PARPBP: variants seen among roughly 807,000 people sequenced by gnomAD.
PARPBP encodes the protein PCNA-interacting partner.
Under a neutral mutation model 50.0 loss-of-function variants are expected in PARPBP, and 52 were observed. The ratio of observed to expected loss-of-function variants is 1.04; its 90% confidence interval spans 0.83 to 1.31. The LOEUF is 1.31. Among genes scored for constraint, PARPBP ranks in the 50% most tolerant of loss-of-function variants. The probability of loss-of-function intolerance (pLI) is 0.00; values close to 1 mark genes in which losing one functional copy is unlikely to be tolerated. For synonymous variants in PARPBP, 244 were observed against 232.1 expected, an observed-to-expected ratio of 1.05 and a Z score of -0.47; for missense variants, 697 against 672.0, an observed-to-expected ratio of 1.04 and a Z score of -0.41.
At chr12:102,177,799 T>C (rs1889424377) in intron 7 of PARPBP, among the ~76,000 whole-genome samples, 1 of 152,216 alleles carries the variant, frequency 6.6e-6, no homozygotes, top group Non-Finnish European at 1.5e-5. Flanking sequence ...CTTGGCATGA[T>C]ATACAAAGTT....
At chr12:102,135,368 C>A (rs926505360) in intron 2 of PARPBP, among the ~76,000 whole-genome samples, 1 of 151,878 alleles carries the variant, frequency 6.6e-6, no homozygotes, top group Admixed American at 6.6e-5. Context: ...CACGGTGAAA[C>A]CCCATCTTTA....
chr12:102,124,428 G>A (rs927114308), intron 2 of PARPBP, among the ~76,000 whole-genome samples: 3 of 152,020 alleles, frequency 2.0e-5, no homozygotes, highest in African/African-American at 2.4e-5. Flanking sequence ...AATCTGCACC[G>A]GGATACTGGA....
In PARPBP at chr12:102,159,980, T is replaced by A. The variant is rs1287470815; in HGVS notation, c.496-4458T>A. Among the ~76,000 whole-genome samples the A allele has an allele frequency of 3.3e-5, 5 of 152,244 alleles. No homozygotes were observed. The South Asian group carries it at 1.0e-3, about 32-fold the overall frequency. ...TTGTGGTATGGATATAATCAGTTTA[T>A]TAAACAAATAAACAGAACAGTATCC... On this transcript the variant is annotated intron_variant, in intron 4 of 10. Coordinates refer to ENST00000327680, the MANE Select transcript of PARPBP (RefSeq NM_017915.5).
intron 9 of PARPBP, among the ~76,000 whole-genome samples, chr12:102,185,887 C>G (rs1186531183): frequency 1.3e-5 from 2 of 152,078 alleles, no homozygotes; most frequent in East Asian, 3.9e-4. Context: ...CTCCTGACCT[C>G]AAATGATCCA....
At position 102,120,191 on chromosome 12, in the gene PARPBP, C is replaced by T; in HGVS notation, c.-99C>T. ...CCCGCGAGGTTTGAACTGTATTCAGCGGCGACAGCGGCGACTGCGGCGGCC... is the reference window on the plus strand; with the variant it reads ...CCCGCGAGGTTTGAACTGTATTCAGTGGCGACAGCGGCGACTGCGGCGGCC... On this transcript the variant is annotated 5_prime_UTR_variant, in exon 1 of 11. Transcript: ENST00000327680. 4.1e-6 allele frequency: 1 copy of T among 242,992 alleles called. No homozygotes were observed. Among genetic ancestry groups the T allele is most frequent in the South Asian group, 3.5e-5 (1 of 28,778 alleles). 15.1% of individuals were successfully genotyped at this position (242,992 alleles called of 1,614,324 possible).
Position 102,195,991 on chromosome 12 carries a change from G to T in PARPBP, c.1440G>T (p.Thr480=). The stretch of plus-strand genomic sequence containing the variant: ...CTGTTGGAAGATCAACAATTGGAAC[G>T]AGTTTTGGAAATGTTCATCTGGACA... ...NPSVGRSTIG[T]SFGNVHLDRS... The change falls in exon 11 of 11, where the codon ACG becomes ACT. Residue 480 remains threonine (T), a synonymous_variant. Coordinates refer to ENST00000327680, the MANE Select transcript of PARPBP (RefSeq NM_017915.5). 1.2e-6 allele frequency: 2 copies of T among 1,606,528 alleles called. No individual in the cohort carries two copies. The highest frequency in any genetic ancestry group is 1.7e-6 in the Non-Finnish European group (2 of 1,176,888).
At chr12:102,185,486 G>GT (rs1226627924) in intron 9 of PARPBP, among the ~76,000 whole-genome samples, 2 of 152,162 alleles carry the variant, frequency 1.3e-5, no homozygotes, top group African/African-American at 4.8e-5. Context: ...TTGGCCTACA[G>GT]TTTTCTCTGT....
intron 2 of PARPBP, among the ~76,000 whole-genome samples, chr12:102,138,647 C>G (rs1233207358): frequency 6.6e-6 from 1 of 152,140 alleles, no homozygotes; most frequent in African/African-American, 2.4e-5. Context: ...TTTAATCCAT[C>G]TTGAATTAAT....
intron 1 of PARPBP, among the ~76,000 whole-genome samples, chr12:102,121,545 CTTTTTTTT>C (rs35855638): frequency 2.3e-5 from 2 of 87,140 alleles, no homozygotes; most frequent in Non-Finnish European, 4.4e-5. Context: ...TAGTAATGCT[CTTTTTTTT>C]TTTTTTTTTT....
chr12:102,173,059 T>C (rs542998432), intron 6 of PARPBP, among the ~76,000 whole-genome samples: 8 of 152,302 alleles, frequency 5.3e-5, no homozygotes, highest in African/African-American at 1.9e-4. Flanking sequence ...TCAAAAATTC[T>C]TCTTAAATGC....
intron 2 of PARPBP, among the ~76,000 whole-genome samples, chr12:102,128,029 TAAC>T (rs1281714272): frequency 3.9e-5 from 6 of 152,214 alleles, no homozygotes; most frequent in Admixed American, 3.9e-4. Context: ...TTTGTGGTGA[TAAC>T]AATTAAAATG....
intron 4 of PARPBP, among the ~76,000 whole-genome samples, chr12:102,154,206 A>C (rs1162688801): frequency 6.6e-6 from 1 of 152,232 alleles, no homozygotes; most frequent in Non-Finnish European, 1.5e-5. Context: ...AATAGTTATC[A>C]TTCAAAGTAT....
intron 9 of PARPBP, among the ~76,000 whole-genome samples, chr12:102,189,937 T>C (rs573631890): frequency 6.6e-6 from 1 of 152,308 alleles, no homozygotes; most frequent in Non-Finnish European, 1.5e-5. Context: ...AGGTTTTCTC[T>C]GCATGTATAT....
At chr12:102,150,443 T>G (rs1886039298) in intron 3 of PARPBP, 1 of 338,660 alleles carries the variant, frequency 3.0e-6, no homozygotes, top group South Asian at 2.2e-5. Flanking sequence ...ATAAAGTTTC[T>G]TTGTTTCATA....
At chr12:102,192,789 C>T (rs1290733041) in intron 9 of PARPBP, among the ~76,000 whole-genome samples, 13 of 151,842 alleles carry the variant, frequency 8.6e-5, no homozygotes, top group Non-Finnish European at 1.8e-4. Flanking sequence ...AGAAGCCATC[C>T]TAGTAATCTC....
At chr12:102,130,699 C>A (rs558828539) in intron 2 of PARPBP, among the ~76,000 whole-genome samples, 4 of 151,528 alleles carry the variant, frequency 2.6e-5, no homozygotes, top group Non-Finnish European at 5.9e-5. Context: ...ACTAGAAATA[C>A]AAAACATTAG....
At chr12:102,147,259 A>T (rs1565869120) in intron 2 of PARPBP, among the ~76,000 whole-genome samples, 1 of 152,206 alleles carries the variant, frequency 6.6e-6, no homozygotes, top group African/African-American at 2.4e-5. Context: ...GTAAAGACAC[A>T]TGCACACATA....
chr12:102,179,719 A>G (rs899832496), intron 8 of PARPBP, among the ~76,000 whole-genome samples: 3 of 152,128 alleles, frequency 2.0e-5, no homozygotes, highest in Admixed American at 6.5e-5. Context: ...ATATAGATAT[A>G]TATATATGGG....
chr12:102,157,147 G>C (rs1197890691), intron 4 of PARPBP, among the ~76,000 whole-genome samples: 1 of 150,588 alleles, frequency 6.6e-6, no homozygotes, highest in Admixed American at 6.6e-5. Context: ...TATGTCTCTT[G>C]TAATACTCTT....
Sources: gnomAD v4.1 joint callset for allele counts (sites outside exome capture counted in the v4.1 genomes callset) on GRCh38, gnomAD v4.1.1 for gene constraint, MANE v1.5 for transcripts, NCBI Gene and HGNC (gene_info 2026-07-23, HGNC 2026-07-21) for gene names.